IL1RAPL1: variants seen among roughly 807,000 people sequenced by gnomAD.
The protein encoded by IL1RAPL1 is interleukin-1 receptor accessory protein-like 1.
IL1RAPL1 carries 3 observed loss-of-function variants against 48.4 expected under a neutral mutation model. That is an observed-to-expected ratio of 0.06 (90% CI 0.03 to 0.16). The LOEUF is 0.16. IL1RAPL1 is among the 10% of genes least tolerant of loss of function. The probability of loss-of-function intolerance (pLI) is 1.00; values close to 1 mark genes in which losing one functional copy is unlikely to be tolerated. For synonymous variants in IL1RAPL1, 185 were observed against 187.7 expected (o/e 0.99, Z 0.12); for missense variants, 349 against 530.6 (o/e 0.66, Z 3.36).
intron 1 of IL1RAPL1, among the ~76,000 whole-genome samples, chrX:28,696,703 T>A (rs2146927965): frequency 9.0e-6 from 1 of 111,413 alleles, no homozygotes; most frequent in African/African-American, 3.2e-5. Context: ...ATTACTTTTG[T>A]ATTAAATAAG....
chrX:29,201,767 C>T (rs1205391541), intron 2 of IL1RAPL1, among the ~76,000 whole-genome samples: 2 of 109,619 alleles, frequency 1.8e-5, no homozygotes, highest in East Asian at 2.9e-4. Flanking sequence ...TCTCGGCTCG[C>T]GGCAACCTCC....
chrX:29,557,949 T>A (rs1359422094), intron 5 of IL1RAPL1, among the ~76,000 whole-genome samples: 1 of 111,610 alleles, frequency 9.0e-6, no homozygotes, highest in Non-Finnish European at 1.9e-5. Flanking sequence ...GAATGACACT[T>A]CTATTGTTTA....
intron 5 of IL1RAPL1, among the ~76,000 whole-genome samples, chrX:29,650,690 G>A (rs1412655969): frequency 2.7e-5 from 3 of 110,269 alleles, no homozygotes; most frequent in African/African-American, 9.9e-5. Flanking sequence ...AACATAGGGG[G>A]AAAACTCCAT....
At chrX:28,925,046 A>C (rs1601961014) in intron 2 of IL1RAPL1, among the ~76,000 whole-genome samples, 1 of 111,102 alleles carries the variant, frequency 9.0e-6, no homozygotes, top group South Asian at 3.7e-4. Flanking sequence ...TCATTGAAAA[A>C]CTTAACACAA....
chrX:29,445,386 A>G (rs1189038458), intron 5 of IL1RAPL1, among the ~76,000 whole-genome samples: 1 of 111,676 alleles, frequency 9.0e-6, no homozygotes, highest in Admixed American at 9.5e-5. Context: ...AAGGGATTCT[A>G]CTAGTGAGCA....
At chrX:28,694,262 A>G (rs1187408266) in intron 1 of IL1RAPL1, among the ~76,000 whole-genome samples, 1 of 111,994 alleles carries the variant, frequency 8.9e-6, no homozygotes, top group South Asian at 3.7e-4. Flanking sequence ...TATTGGTCTT[A>G]CCTTGTCCTT....
intron 2 of IL1RAPL1, among the ~76,000 whole-genome samples, chrX:28,898,019 C>T (rs936286243): frequency 9.0e-6 from 1 of 111,080 alleles, no homozygotes; most frequent in African/African-American, 3.3e-5. Flanking sequence ...ATTTTCACTT[C>T]TTTTGTGGTG....
chrX:28,801,713 G>A (rs781412563), intron 2 of IL1RAPL1, among the ~76,000 whole-genome samples: 1 of 111,519 alleles, frequency 9.0e-6, no homozygotes, highest in Non-Finnish European at 1.9e-5. Context: ...GGCAAAAACC[G>A]CAATTAGTTT....
intron 1 of IL1RAPL1, among the ~76,000 whole-genome samples, chrX:28,688,974 G>T (rs1935144638): frequency 9.0e-6 from 1 of 110,987 alleles, no homozygotes; most frequent in African/African-American, 3.3e-5. Flanking sequence ...TGTGAACCAC[G>T]TTCTAGCCAT....
intron 2 of IL1RAPL1, among the ~76,000 whole-genome samples, chrX:29,023,116 T>C (rs1926409405): frequency 8.9e-6 from 1 of 112,252 alleles, no homozygotes; most frequent in Admixed American, 9.5e-5. Flanking sequence ...GCAGCCTCTT[T>C]AATCATTTGT....
intron 8 of IL1RAPL1, among the ~76,000 whole-genome samples, chrX:29,934,512 T>G (rs891062358): frequency 1.8e-5 from 2 of 112,459 alleles, no homozygotes; most frequent in African/African-American, 3.2e-5. Flanking sequence ...AATTTGACCT[T>G]TTATTTTTTA....
At chrX:29,160,909 C>T (rs1445080943) in intron 2 of IL1RAPL1, among the ~76,000 whole-genome samples, 1 of 111,346 alleles carries the variant, frequency 9.0e-6, no homozygotes, top group Admixed American at 9.6e-5. Context: ...CAGAAATTAG[C>T]CAGGCAGGCG....
At chrX:29,255,574 C>A (rs952001668) in intron 2 of IL1RAPL1, among the ~76,000 whole-genome samples, 1 of 110,844 alleles carries the variant, frequency 9.0e-6, no homozygotes, top group Non-Finnish European at 1.9e-5. Context: ...GAACATAGTA[C>A]ACAAATAGGC....
At chrX:28,722,174 A>T (rs1490864545) in intron 1 of IL1RAPL1, among the ~76,000 whole-genome samples, 1 of 111,433 alleles carries the variant, frequency 9.0e-6, no homozygotes, top group East Asian at 2.8e-4. Flanking sequence ...GAATCTGTAA[A>T]TTACCTTGGG....
At chrX:29,589,833 T>G (rs1923308945) in intron 5 of IL1RAPL1, among the ~76,000 whole-genome samples, 1 of 111,389 alleles carries the variant, frequency 9.0e-6, no homozygotes, top group Non-Finnish European at 1.9e-5. Flanking sequence ...AAAAGAGGTT[T>G]AATTGGCTCA....
chrX:28,692,807 A>G (rs1378483675), intron 1 of IL1RAPL1, among the ~76,000 whole-genome samples: 3 of 111,687 alleles, frequency 2.7e-5, no homozygotes, highest in African/African-American at 9.8e-5. Flanking sequence ...GTGCACGACT[A>G]TATATACACA....
intron 6 of IL1RAPL1, among the ~76,000 whole-genome samples, chrX:29,732,474 C>T (rs1159579195): frequency 5.4e-5 from 6 of 111,684 alleles, no homozygotes; most frequent in African/African-American, 2.0e-4. Flanking sequence ...TCCTCGCAAT[C>T]ATCAACTCAT....
chrX:29,030,777 C>T (rs965081451), intron 2 of IL1RAPL1, among the ~76,000 whole-genome samples: 3 of 110,768 alleles, frequency 2.7e-5, no homozygotes, highest in Non-Finnish European at 5.7e-5. Context: ...AAAAGTGCTA[C>T]CAGGTGTTCA....
intron 2 of IL1RAPL1, among the ~76,000 whole-genome samples, chrX:29,260,911 AAT>A (rs893971652): frequency 9.3e-6 from 1 of 107,561 alleles, no homozygotes; most frequent in Admixed American, 1.0e-4. Context: ...TAATATAGTA[AAT>A]ATATATATTA....
Sources: gnomAD v4.1 joint callset for allele counts (sites outside exome capture counted in the v4.1 genomes callset) on GRCh38, gnomAD v4.1.1 for gene constraint, MANE v1.5 for transcripts, NCBI Gene and HGNC (gene_info 2026-07-23, HGNC 2026-07-21) for gene names.